The following RPAP2 variants were observed in gnomAD, a reference collection of about 807,000 sequenced individuals.
RPAP2 encodes the protein putative RNA polymerase II subunit B1 CTD phosphatase RPAP2.
Under a neutral mutation model 73.1 loss-of-function variants are expected in RPAP2, and 52 were observed. The observed-to-expected ratio is 0.71, with a 90% CI of 0.57 to 0.90. The LOEUF is 0.90. Among genes scored for constraint, RPAP2 ranks in the 40% least tolerant of loss-of-function variants. The pLI, the probability that RPAP2 is intolerant of heterozygous loss-of-function variation, is 0.00. For synonymous variants in RPAP2, 225 were observed against 242.1 expected (o/e 0.93, Z 0.65); for missense variants, 598 against 701.8 (o/e 0.85, Z 1.67).
chr1:92,360,559 T>G (rs1429767034), intron 11 of RPAP2, among the ~76,000 whole-genome samples: 2 of 152,156 alleles, frequency 1.3e-5, no homozygotes, highest in African/African-American at 2.4e-5. Context: ...CAGGCAAGGC[T>G]GGAAGAACTA....
intron 11 of RPAP2, 93 bp downstream of exon 11, chr1:92,346,007 C>CT: frequency 1.2e-6 from 1 of 863,478 alleles, no homozygotes; most frequent in Non-Finnish European, 1.9e-6. Flanking sequence ...TGTAAACTGC[C>CT]TTGGAAAATA....
chr1:92,309,987 A>G (rs1651494970), intron 6 of RPAP2, among the ~76,000 whole-genome samples: 1 of 152,350 alleles, frequency 6.6e-6, no homozygotes, highest in African/African-American at 2.4e-5. Context: ...TAAAAGAGCT[A>G]AAAGGGTCCT....
At chr1:92,386,593 G>A (rs180923659) in intron 12 of RPAP2, among the ~76,000 whole-genome samples, 41 of 152,358 alleles carry the variant, frequency 2.7e-4, no homozygotes, top group African/African-American at 9.4e-4. Context: ...CACCCAAACT[G>A]TTGTTGGGTA....
At chr1:92,375,062 T>C (rs1036510468) in intron 11 of RPAP2, among the ~76,000 whole-genome samples, 1 of 152,142 alleles carries the variant, frequency 6.6e-6, no homozygotes, top group African/African-American at 2.4e-5. Context: ...CTGGAAAACA[T>C]AAAGATTATA....
At chr1:92,357,655 A>G (rs1309026095) in intron 11 of RPAP2, among the ~76,000 whole-genome samples, 1 of 152,086 alleles carries the variant, frequency 6.6e-6, no homozygotes, top group Non-Finnish European at 1.5e-5. Context: ...CCTCATCCTC[A>G]TGAGTGCTGA....
chr1:92,332,147 C>G (rs1297838336), intron 8 of RPAP2, among the ~76,000 whole-genome samples: 2 of 151,280 alleles, frequency 1.3e-5, no homozygotes, highest in African/African-American at 4.9e-5. Context: ...GTCTCTTAAT[C>G]TCCTTTGTGC....
chr1:92,314,835 A>G (rs1045527857), intron 6 of RPAP2, among the ~76,000 whole-genome samples: 33 of 152,100 alleles, frequency 2.2e-4, no homozygotes, highest in Non-Finnish European at 4.1e-4. Flanking sequence ...ACCTGAGGTC[A>G]GGAGTTTGAG....
intron 6 of RPAP2, among the ~76,000 whole-genome samples, chr1:92,315,701 C>G (rs1193329421): frequency 8.5e-5 from 13 of 152,174 alleles, no homozygotes; most frequent in African/African-American, 3.1e-4. Flanking sequence ...TAGACAAATT[C>G]ATAAATTCTA....
In RPAP2 at chr1:92,388,960, G is replaced by C. The variant is rs907433957; in HGVS notation, c.*1949G>C. 7 of 152,270 alleles carry C rather than the reference G, an allele frequency of 4.6e-5. No individual in the cohort carries two copies. Among genetic ancestry groups the C allele is most frequent in the African/African-American group, 1.7e-4 (7 of 41,440 alleles). 9.4% of individuals were successfully genotyped at this position (152,270 alleles called of 1,614,324 possible). On this transcript the variant is annotated 3_prime_UTR_variant, in exon 13 of 13. Transcript: ENST00000610020. Reference sequence around the variant, plus strand: ...CTGTAGATTCCACCTCCAGGGGCAGGGCATATCTGAACAAAAGGCAGCAGA... The same window carrying C: ...CTGTAGATTCCACCTCCAGGGGCAGCGCATATCTGAACAAAAGGCAGCAGA...
chr1:92,349,375 CAT>C (rs1392746252), intron 11 of RPAP2, among the ~76,000 whole-genome samples: 1 of 152,108 alleles, frequency 6.6e-6, no homozygotes, highest in Non-Finnish European at 1.5e-5. Flanking sequence ...CAGAATTCCT[CAT>C]GTGAACTCTT....
chr1:92,372,068 C>G (rs1655179456), intron 11 of RPAP2, among the ~76,000 whole-genome samples: 1 of 152,040 alleles, frequency 6.6e-6, no homozygotes, highest in Non-Finnish European at 1.5e-5. Flanking sequence ...CGCAGTCATT[C>G]CACAATGTAC....
rs138345015 is a variant in RPAP2, at chr1:92,363,835, T to C, written c.1689-16889T>C. 1.6e-3 allele frequency: 421 copies of C among 256,802 alleles called. 1 individual carries two copies. The highest frequency in any genetic ancestry group is 7.8e-3 in the Middle Eastern group (5 of 642). 15.9% of individuals were successfully genotyped at this position (256,802 alleles called of 1,614,324 possible). The stretch of plus-strand genomic sequence containing the variant: ...TTTTTTCCTCTAGCTTACTTTATTA[T>C]AAGGATCTAATACATATCCTTACAT... On this transcript the variant is annotated intron_variant, in intron 11 of 12. Coordinates refer to ENST00000610020, the MANE Select transcript of RPAP2 (RefSeq NM_024813.3).
chr1:92,384,185 T>C (rs1322988335), intron 12 of RPAP2, among the ~76,000 whole-genome samples: 1 of 151,698 alleles, frequency 6.6e-6, no homozygotes, highest in African/African-American at 2.4e-5. Context: ...CTCGATTTCT[T>C]GACCTCGTGA....
At position 92,302,696 on chromosome 1, in the gene RPAP2, T is replaced by G. The variant is rs543763576; in HGVS notation, c.234+1106T>G. Among the ~76,000 whole-genome samples, 380 of 136,662 alleles carry G rather than the reference T, an allele frequency of 2.8e-3. 3 individuals carry two copies. The highest frequency in any genetic ancestry group is 0.011 in the South Asian group (44 of 3,936). The allele number at this position is 136,662 out of a possible 152,430, so 89.7% of individuals were successfully genotyped here. On this transcript the variant is annotated intron_variant, in intron 3 of 12. Coordinates refer to ENST00000610020, the MANE Select transcript of RPAP2 (RefSeq NM_024813.3). ...TGCTCACTGCAAGCTCCGCCTCCCG[T>G]GTTCACGCCATTCTCCTGCCTCAGC...
At chr1:92,381,344 T>C (rs1655619888) in intron 12 of RPAP2, among the ~76,000 whole-genome samples, 1 of 152,190 alleles carries the variant, frequency 6.6e-6, no homozygotes, top group Non-Finnish European at 1.5e-5. Context: ...AAGTCTGACT[T>C]TGTTGAATCC....
chr1:92,372,059 G>A (rs997662069), intron 11 of RPAP2, among the ~76,000 whole-genome samples: 4 of 151,972 alleles, frequency 2.6e-5, no homozygotes, highest in Admixed American at 6.6e-5. Flanking sequence ...TTAGCTTGAC[G>A]CAGTCATTCC....
At chr1:92,359,635 T>C (rs1654641682) in intron 11 of RPAP2, among the ~76,000 whole-genome samples, 1 of 152,256 alleles carries the variant, frequency 6.6e-6, no homozygotes, top group Non-Finnish European at 1.5e-5. Flanking sequence ...CTTGGTTTTA[T>C]ACCTGTTTTG....
chr1:92,320,981 A>T (rs1652221118), intron 7 of RPAP2, among the ~76,000 whole-genome samples: 1 of 152,224 alleles, frequency 6.6e-6, no homozygotes, highest in South Asian at 2.1e-4. Context: ...GTCCTATAGG[A>T]TTTCAAAACC....
At chr1:92,306,860 C>A (rs1401981289) in intron 5 of RPAP2, among the ~76,000 whole-genome samples, 1 of 151,948 alleles carries the variant, frequency 6.6e-6, no homozygotes, top group East Asian at 1.9e-4. Flanking sequence ...CAATATTATT[C>A]CATTCAAAAA....
Sources: gnomAD v4.1 joint callset for allele counts (sites outside exome capture counted in the v4.1 genomes callset) on GRCh38, gnomAD v4.1.1 for gene constraint, MANE v1.5 for transcripts, NCBI Gene and HGNC (gene_info 2026-07-23, HGNC 2026-07-21) for gene names.